The following PACRG variants were observed in gnomAD, a reference collection of about 807,000 sequenced individuals.
PACRG encodes the protein parkin coregulated.
Under a neutral mutation model 29.7 loss-of-function variants are expected in PACRG, and 29 were observed. That is an observed-to-expected ratio of 0.98 (90% confidence interval 0.73 to 1.33). The LOEUF (loss-of-function observed/expected upper bound fraction) is 1.33. Ranked by LOEUF, PACRG falls within the 40% of genes most tolerant of loss-of-function variation. The pLI, the probability that PACRG is intolerant of heterozygous loss-of-function variation, is 0.00. For synonymous variants in PACRG, 116 were observed against 118.7 expected (o/e 0.98, Z 0.15); for missense variants, 279 against 316.2 (o/e 0.88, Z 0.89).
At position 163,157,006 on chromosome 6, in the gene PACRG, AACATAGTC is replaced by A. The variant is rs373201737; in HGVS notation, c.613+67609_613+67616del. The stretch of plus-strand genomic sequence containing the variant: ...CAAAGTACCTTTTGTCATGTAATGC[AACATAGTC>A]ACATAGTCACGGGTTCCAGGAATTA... On this transcript the variant is annotated intron_variant, in intron 4 of 4. Coordinates refer to ENST00000366888, the MANE Select transcript of PACRG (RefSeq NM_001080379.2). Among the ~76,000 whole-genome samples, 505 of 152,308 alleles carry A rather than the reference AACATAGTC, an allele frequency of 3.3e-3. 5 individuals carry two copies. Among genetic ancestry groups the A allele is most frequent in the African/African-American group, 0.011 (476 of 41,578 alleles).
intron 4 of PACRG, among the ~76,000 whole-genome samples, chr6:163,234,363 A>G (rs1042487934): frequency 3.9e-5 from 6 of 152,156 alleles, no homozygotes; most frequent in African/African-American, 1.4e-4. Flanking sequence ...CTGGTTGTTG[A>G]AAAGAACCTG....
chr6:163,108,735 A>G (rs563722097), intron 4 of PACRG, among the ~76,000 whole-genome samples: 40 of 152,252 alleles, frequency 2.6e-4, no homozygotes, highest in Non-Finnish European at 5.4e-4. Context: ...AGTTCTTCAT[A>G]TTAAGTTGTT....
rs1259397921 is a variant in PACRG at position 163,291,475 on chromosome 6, G to C, written c.614-23352G>C. Among the ~76,000 whole-genome samples, 3 of 152,392 alleles carry C rather than the reference G, an allele frequency of 2.0e-5. No individual in the cohort carries two copies. In the East Asian group the frequency reaches 5.8e-4, roughly 29 times the overall value. ...TCTGCCCGCCCGAGCTGGCCTGCGG[G>C]GCATCTGCAGCCCACGGGGCCAGAG... On this transcript the variant is annotated intron_variant, in intron 4 of 4. Coordinates refer to ENST00000366888, the MANE Select transcript of PACRG (RefSeq NM_001080379.2).
At chr6:163,080,190 G>C (rs553520902) in intron 3 of PACRG, among the ~76,000 whole-genome samples, 5 of 152,198 alleles carry the variant, frequency 3.3e-5, no homozygotes, top group Non-Finnish European at 5.9e-5. Context: ...GAGCCACTGT[G>C]CCCGGCCCTA....
At chr6:163,179,131 T>G in intron 4 of PACRG, 1 of 445,552 alleles carries the variant, frequency 2.2e-6, no homozygotes, top group Non-Finnish European at 4.6e-6. Context: ...TTTTTGGGCA[T>G]GGACCGTGGT....
rs918222792 is a variant in PACRG, at chr6:162,972,011, C to G, written c.292-90139C>G. Among the ~76,000 whole-genome samples, 16 of 152,278 alleles carry G rather than the reference C, an allele frequency of 1.1e-4. No individual in the cohort carries two copies. The South Asian group carries it at 2.5e-3, about 24-fold the overall frequency. On this transcript the variant is annotated intron_variant, in intron 2 of 4. Coordinates refer to ENST00000366888, the MANE Select transcript of PACRG (RefSeq NM_001080379.2). ...CTCTAAGGCCTGTCTCACTCTGTGA[C>G]GCATGTGGTCATGAGCACTCTGACC...
intron 1 of PACRG, among the ~76,000 whole-genome samples, chr6:162,768,295 G>A (rs945716504): frequency 6.6e-6 from 1 of 152,012 alleles, no homozygotes; most frequent in South Asian, 2.1e-4. Flanking sequence ...CAACCTTGTG[G>A]TTTCTGTTGT....
intron 4 of PACRG, among the ~76,000 whole-genome samples, chr6:163,245,877 A>G (rs1220695279): frequency 6.6e-6 from 1 of 152,154 alleles, no homozygotes; most frequent in Non-Finnish European, 1.5e-5. Context: ...CAAGAACCGT[A>G]AAGTTATCTT....
chr6:162,995,601 G>C (rs935118401), intron 2 of PACRG, among the ~76,000 whole-genome samples: 1 of 152,166 alleles, frequency 6.6e-6, no homozygotes, highest in South Asian at 2.1e-4. Flanking sequence ...GCTTCGGCTC[G>C]CGCCTGGTGC....
At chr6:162,826,071 T>C (rs1025798152) in intron 2 of PACRG, among the ~76,000 whole-genome samples, 4 of 152,194 alleles carry the variant, frequency 2.6e-5, no homozygotes, top group Non-Finnish European at 5.9e-5. Context: ...TAAAGTACCA[T>C]CTTGAGATGT....
intron 4 of PACRG, among the ~76,000 whole-genome samples, chr6:163,209,252 A>G (rs2128153564): frequency 6.6e-6 from 1 of 152,352 alleles, no homozygotes; most frequent in South Asian, 2.1e-4. Flanking sequence ...AGCCTTAATA[A>G]AGAATAGTCA....
At chr6:163,061,151 A>T (rs1278170227) in intron 2 of PACRG, among the ~76,000 whole-genome samples, 1 of 152,152 alleles carries the variant, frequency 6.6e-6, no homozygotes, top group Admixed American at 6.5e-5. Context: ...AAAACCAAGG[A>T]AATTATCACC....
At position 162,994,717 on chromosome 6, in the gene PACRG, G is replaced by A. The variant is rs867498636; in HGVS notation, c.292-67433G>A. On this transcript the variant is annotated intron_variant, in intron 2 of 4. Transcript: ENST00000366888. ...TCCCGTAGCTCAGAGTAATTTGATCGTCTGAAGCCTTCTTCTCTCAGCTCG... is the reference window on the plus strand; with the variant it reads ...TCCCGTAGCTCAGAGTAATTTGATCATCTGAAGCCTTCTTCTCTCAGCTCG... Among the ~76,000 whole-genome samples, 1,175 of 145,326 alleles carry A rather than the reference G, an allele frequency of 8.1e-3. 13 individuals are homozygous for A. Among genetic ancestry groups the A allele is most frequent in the African/African-American group, 0.029 (1,075 of 36,580 alleles).
intron 4 of PACRG, among the ~76,000 whole-genome samples, chr6:163,154,151 C>T (rs532245370): frequency 1.2e-4 from 19 of 152,210 alleles, no homozygotes; most frequent in African/African-American, 1.9e-4. Flanking sequence ...GTGCCCTTAA[C>T]GGCCAGCCCT....
At chr6:162,792,439 T>G (rs556997484) in intron 1 of PACRG, among the ~76,000 whole-genome samples, 1 of 152,230 alleles carries the variant, frequency 6.6e-6, no homozygotes, top group East Asian at 1.9e-4. Context: ...GTGGGATATA[T>G]GAAGTCTGGA....
chr6:162,848,865 G>T (rs1259946379), intron 2 of PACRG, among the ~76,000 whole-genome samples: 3 of 152,218 alleles, frequency 2.0e-5, no homozygotes, highest in Admixed American at 2.0e-4. Flanking sequence ...CAGTGATTTG[G>T]GGAAAAGAAT....
chr6:163,265,101 C>G (rs1380235044), intron 4 of PACRG, among the ~76,000 whole-genome samples: 1 of 152,202 alleles, frequency 6.6e-6, no homozygotes, highest in African/African-American at 2.4e-5. Context: ...GCTTCCACTC[C>G]TGCTGGGTGA....
intron 4 of PACRG, among the ~76,000 whole-genome samples, chr6:163,264,868 C>T (rs13219986): frequency 0.24 from 37,121 of 152,000 alleles, 4,931 homozygotes; most frequent in Admixed American, 0.33. Context: ...ACGAGTCTTT[C>T]GCAAGTATGT....
chr6:163,162,764 TG>T (rs1337010681), intron 4 of PACRG, among the ~76,000 whole-genome samples: 4 of 152,226 alleles, frequency 2.6e-5, no homozygotes, highest in Admixed American at 2.6e-4. Context: ...TGAGGCCCAC[TG>T]GGTCCAGCCC....
Sources: allele counts gnomAD v4.1 joint callset (sites outside exome capture counted in the v4.1 genomes callset), GRCh38; gene constraint gnomAD v4.1.1; transcripts MANE v1.5; gene names NCBI Gene and HGNC (gene_info 2026-07-23, HGNC 2026-07-21).